DLGAP2: variants seen among roughly 807,000 people sequenced by gnomAD.
The protein encoded by DLGAP2 is disks large-associated protein 2.
DLGAP2 carries 26 observed loss-of-function variants against 100.3 expected under a neutral mutation model. That is an observed-to-expected ratio of 0.26 (90% CI 0.19 to 0.36). The LOEUF (loss-of-function observed/expected upper bound fraction) is 0.36, where lower values mean the gene tolerates loss of function less well. Ranked by LOEUF, DLGAP2 falls within the 10% of genes least tolerant of loss-of-function variation. The pLI is 1.00. For missense variants in DLGAP2, 1,858 were observed against 1,453.2 expected (o/e 1.28, Z -4.53); for synonymous variants, 886 against 630.1 (o/e 1.41, Z -6.08).
chr8:1,337,778 TA>T, intron 3 of DLGAP2, among the ~76,000 whole-genome samples: 1 of 152,204 alleles, frequency 6.6e-6, no homozygotes, highest in Non-Finnish European at 1.5e-5. Context: ...TGGTAGAAAA[TA>T]TCTGCAAATC....
At chr8:1,515,695 A>G (rs1800347374) in intron 4 of DLGAP2, among the ~76,000 whole-genome samples, 1 of 152,120 alleles carries the variant, frequency 6.6e-6, no homozygotes, top group South Asian at 2.1e-4. Context: ...AACATGCACA[A>G]ATATGCAGAC....
chr8:1,362,498 T>C (rs1802005323), intron 3 of DLGAP2, among the ~76,000 whole-genome samples: 1 of 152,108 alleles, frequency 6.6e-6, no homozygotes, highest in South Asian at 2.1e-4. Flanking sequence ...AGTGTCCTCA[T>C]TTCCCCTTAC....
intron 3 of DLGAP2, among the ~76,000 whole-genome samples, chr8:1,336,528 C>T (rs894755740): frequency 3.3e-5 from 5 of 152,204 alleles, no homozygotes; most frequent in African/African-American, 7.2e-5. Context: ...GTGCCGGAAG[C>T]CTTTCCCAGC....
At chr8:1,307,859 G>A (rs1800525977) in intron 3 of DLGAP2, among the ~76,000 whole-genome samples, 1 of 152,178 alleles carries the variant, frequency 6.6e-6, no homozygotes, top group Non-Finnish European at 1.5e-5. Flanking sequence ...GCCGGGGACT[G>A]GGCGCTGGAG....
In DLGAP2 at chr8:1,414,478, C is replaced by T. The variant is rs1004856223; in HGVS notation, c.107-86888C>T. ...TGGGGACATGAGGGACTGACCAGGC[C>T]GGGGGTCCCAGTGCAGGGTCCACAC... On this transcript the variant is annotated intron_variant, in intron 3 of 14. Coordinates refer to ENST00000637795, the MANE Select transcript of DLGAP2 (RefSeq NM_001346810.2). Among the ~76,000 whole-genome samples the T allele has an allele frequency of 5.9e-5, 9 of 152,210 alleles. 1 individual carries two copies. The South Asian group carries it at 6.2e-4, about 11-fold the overall frequency.
At chr8:805,322 G>C (rs1420859686) in intron 1 of DLGAP2, among the ~76,000 whole-genome samples, 1 of 152,102 alleles carries the variant, frequency 6.6e-6, no homozygotes, top group African/African-American at 2.4e-5. Flanking sequence ...TCTTAGTCTA[G>C]GGAAGCCCTT....
chr8:940,827 C>T (rs182753788), intron 2 of DLGAP2, among the ~76,000 whole-genome samples: 201 of 152,256 alleles, frequency 1.3e-3, no homozygotes, highest in African/African-American at 4.7e-3. Flanking sequence ...TGGTTGTCCA[C>T]CCACCTCACT....
chr8:1,313,954 G>C (rs1338271466), intron 3 of DLGAP2, among the ~76,000 whole-genome samples: 1 of 151,986 alleles, frequency 6.6e-6, no homozygotes, highest in Non-Finnish European at 1.5e-5. Flanking sequence ...TTCAGTATTG[G>C]TTATCAGATT....
chr8:1,471,865 G>A (rs1035247039), intron 3 of DLGAP2, among the ~76,000 whole-genome samples: 14 of 152,300 alleles, frequency 9.2e-5, no homozygotes, highest in South Asian at 4.1e-4. Context: ...CACAAGTGCC[G>A]TGACAGTTGA....
chr8:1,252,608 A>G (rs1799071641), intron 2 of DLGAP2, among the ~76,000 whole-genome samples: 2 of 152,280 alleles, frequency 1.3e-5, no homozygotes, highest in South Asian at 2.1e-4. Context: ...AATTGCTTGC[A>G]TGAGTGAGTG....
chr8:1,001,883 C>G (rs1800968009), intron 2 of DLGAP2, among the ~76,000 whole-genome samples: 2 of 152,166 alleles, frequency 1.3e-5, no homozygotes, highest in African/African-American at 2.4e-5. Flanking sequence ...TGCTTTGAGG[C>G]TCAAGAAAGG....
At chr8:1,032,207 C>T (rs896861033) in intron 2 of DLGAP2, among the ~76,000 whole-genome samples, 16 of 152,240 alleles carry the variant, frequency 1.1e-4, no homozygotes, top group Admixed American at 9.2e-4. Context: ...TTCCAGAGCT[C>T]ATAGTAGGAG....
chr8:805,148 T>C (rs1410842728), intron 1 of DLGAP2, among the ~76,000 whole-genome samples: 1 of 152,214 alleles, frequency 6.6e-6, no homozygotes, highest in Non-Finnish European at 1.5e-5. Flanking sequence ...GGCAAACTAT[T>C]ATTGTTTGGG....
intron 2 of DLGAP2, among the ~76,000 whole-genome samples, chr8:1,046,129 A>G (rs1283005680): frequency 6.6e-6 from 1 of 152,216 alleles, no homozygotes; most frequent in Non-Finnish European, 1.5e-5. Flanking sequence ...TGGTAAATAG[A>G]ATAAAGTCAG....
intron 1 of DLGAP2, among the ~76,000 whole-genome samples, chr8:816,275 GTT>G (rs60526250): frequency 4.0e-4 from 58 of 145,010 alleles, no homozygotes; most frequent in African/African-American, 9.3e-4. Context: ...AATACCTTGG[GTT>G]TTTTTTTTTT....
chr8:1,386,079 AAAC>A (rs1236002009), intron 3 of DLGAP2, among the ~76,000 whole-genome samples: 5 of 152,266 alleles, frequency 3.3e-5, no homozygotes, highest in Non-Finnish European at 5.9e-5. Context: ...ATAAAATTGA[AAAC>A]AACAATCTCC....
intron 2 of DLGAP2, among the ~76,000 whole-genome samples, chr8:1,113,305 T>TA (rs1805017897): frequency 6.6e-6 from 1 of 152,236 alleles, no homozygotes; most frequent in Non-Finnish European, 1.5e-5. Context: ...GTATGGCCAT[T>TA]TTAATTAAGT....
chr8:1,682,395 A>C (rs1409876586), intron 12 of DLGAP2, among the ~76,000 whole-genome samples: 1 of 152,202 alleles, frequency 6.6e-6, no homozygotes, highest in African/African-American at 2.4e-5. Context: ...ATTATGCCAT[A>C]AAAATACTAC....
chr8:758,186 A>G (rs759859044), intron 1 of DLGAP2, among the ~76,000 whole-genome samples: 2 of 152,142 alleles, frequency 1.3e-5, no homozygotes, highest in Admixed American at 1.3e-4. Flanking sequence ...TGAAGCCAGG[A>G]CTGATGGAGG....
Sources: gnomAD v4.1 joint callset for allele counts (sites outside exome capture counted in the v4.1 genomes callset) on GRCh38, gnomAD v4.1.1 for gene constraint, MANE v1.5 for transcripts, NCBI Gene and HGNC (gene_info 2026-07-23, HGNC 2026-07-21) for gene names.